Variants in GPC5 observed in about 807,000 individuals in gnomAD.
GPC5 encodes glypican 5.
In GPC5, 47 loss-of-function variants were observed where a neutral mutation model predicts 53.9. That is an observed-to-expected ratio of 0.87 (90% CI 0.69 to 1.11). The LOEUF is 1.11. GPC5 is among the 50% of genes most tolerant of loss of function. The pLI is 0.00. For missense variants in GPC5, 748 were observed against 713.1 expected, an observed-to-expected ratio of 1.05 and a Z score of -0.56; for synonymous variants, 286 against 263.3, an observed-to-expected ratio of 1.09 and a Z score of -0.84.
chr13:92,806,307 T>G (rs2138792885), intron 7 of GPC5, among the ~76,000 whole-genome samples: 1 of 152,184 alleles, frequency 6.6e-6, no homozygotes, highest in Admixed American at 6.6e-5. Context: ...ATTAAGGCCT[T>G]GCTCTGGATT....
At chr13:91,942,562 C>A (rs911520689) in intron 6 of GPC5, among the ~76,000 whole-genome samples, 1 of 151,884 alleles carries the variant, frequency 6.6e-6, no homozygotes, top group South Asian at 2.1e-4. Flanking sequence ...AAACTCAGCT[C>A]ATTTTTAATA....
intron 7 of GPC5, among the ~76,000 whole-genome samples, chr13:92,623,945 C>T (rs1884961985): frequency 1.3e-5 from 2 of 151,724 alleles, no homozygotes; most frequent in East Asian, 3.9e-4. Flanking sequence ...ACCTCTGCCT[C>T]CCGGGTTCAA....
intron 7 of GPC5, among the ~76,000 whole-genome samples, chr13:92,480,971 G>T (rs1267411050): frequency 6.6e-6 from 1 of 152,232 alleles, no homozygotes. Context: ...CAAGGCACAT[G>T]AGTGCCTCTT....
intron 5 of GPC5, among the ~76,000 whole-genome samples, chr13:91,879,229 T>C (rs1179115362): frequency 1.3e-5 from 2 of 152,202 alleles, no homozygotes; most frequent in African/African-American, 2.4e-5. Flanking sequence ...GGTGGTTTCT[T>C]ATTTGTGTTT....
At chr13:92,291,638 C>T (rs545538321) in intron 7 of GPC5, among the ~76,000 whole-genome samples, 2 of 152,168 alleles carry the variant, frequency 1.3e-5, no homozygotes, top group Non-Finnish European at 2.9e-5. Context: ...CCAGCAGTGG[C>T]AACCCGCTAG....
intron 7 of GPC5, among the ~76,000 whole-genome samples, chr13:92,821,933 A>T (rs1877688080): frequency 6.6e-6 from 1 of 152,132 alleles, no homozygotes; most frequent in African/African-American, 2.4e-5. Flanking sequence ...ACAAGAAAAA[A>T]AATGGGAGGG....
intron 7 of GPC5, among the ~76,000 whole-genome samples, chr13:92,249,157 CT>C (rs1212095184): frequency 6.6e-6 from 1 of 151,906 alleles, no homozygotes; most frequent in Non-Finnish European, 1.5e-5. Flanking sequence ...AGCATTTAAC[CT>C]TTTTTGTATT....
intron 6 of GPC5, among the ~76,000 whole-genome samples, chr13:91,949,624 G>A (rs570372533): frequency 1.3e-5 from 2 of 152,068 alleles, no homozygotes; most frequent in African/African-American, 4.8e-5. Context: ...TATAGCCAAA[G>A]AATAATAGAA....
chr13:92,839,449 C>T lies in GPC5; in HGVS notation c.1562-26833C>T, dbSNP rs117656660. Among the ~76,000 whole-genome samples, 164 of 152,214 alleles carry T rather than the reference C, an allele frequency of 1.1e-3. No individual in the cohort carries two copies. In the East Asian group the frequency reaches 0.016, roughly 15 times the overall value. On this transcript the variant is annotated intron_variant, in intron 7 of 7. Transcript: ENST00000377067. ...GTTATTTTTCCTGATCTTCTCACTC[C>T]TTCCACCCTCCACCCTGCAACAGGC...
chr13:92,371,389 A>G (rs1296023533), intron 7 of GPC5, among the ~76,000 whole-genome samples: 2 of 152,126 alleles, frequency 1.3e-5, no homozygotes, highest in African/African-American at 4.8e-5. Context: ...ATTATCCTGG[A>G]TTATCTGGTG....
At chr13:92,603,654 T>C (rs1225565306) in intron 7 of GPC5, among the ~76,000 whole-genome samples, 1 of 152,160 alleles carries the variant, frequency 6.6e-6, no homozygotes, top group East Asian at 1.9e-4. Context: ...TAGACTACTT[T>C]AACAAGGAGA....
rs963574613 is a variant in GPC5, at chr13:91,688,813, G to A, written c.326-4374G>A. 4.6e-5 allele frequency among the ~76,000 whole-genome samples: 7 copies of A among 152,002 alleles called. No homozygotes were observed. The East Asian group carries it at 5.8e-4, about 13-fold the overall frequency. ...CATGTTACTATACTTAATACTCTAG[G>A]CGTTTGTAATGCACTGGTAAATCTT... On this transcript the variant is annotated intron_variant, in intron 2 of 7. Coordinates refer to ENST00000377067, the MANE Select transcript of GPC5 (RefSeq NM_004466.6).
intron 7 of GPC5, among the ~76,000 whole-genome samples, chr13:92,767,471 A>G (rs1292713897): frequency 1.3e-5 from 2 of 152,162 alleles, no homozygotes; most frequent in African/African-American, 4.8e-5. Context: ...ACTGTCCAAA[A>G]AAAAGAAAAA....
chr13:92,572,776 T>C (rs1566299597), intron 7 of GPC5, among the ~76,000 whole-genome samples: 1 of 152,170 alleles, frequency 6.6e-6, no homozygotes, highest in Non-Finnish European at 1.5e-5. Flanking sequence ...TGTATATAAC[T>C]GAAAGCAAGA....
chr13:92,367,167 C>T (rs2043613463), intron 7 of GPC5, among the ~76,000 whole-genome samples: 1 of 151,970 alleles, frequency 6.6e-6, no homozygotes, highest in South Asian at 2.1e-4. Context: ...ATAAAAAAAT[C>T]CTCGGGCAGA....
At chr13:92,825,449 A>G (rs1316392484) in intron 7 of GPC5, among the ~76,000 whole-genome samples, 2 of 152,250 alleles carry the variant, frequency 1.3e-5, no homozygotes, top group South Asian at 2.1e-4. Flanking sequence ...TATTAATTCA[A>G]TTCCCATTAT....
At chr13:91,572,553 G>T (rs1338096944) in intron 2 of GPC5, among the ~76,000 whole-genome samples, 1 of 152,014 alleles carries the variant, frequency 6.6e-6, no homozygotes, top group Non-Finnish European at 1.5e-5. Context: ...GTGAGCAAGA[G>T]AGGGGAGGAG....
intron 7 of GPC5, among the ~76,000 whole-genome samples, chr13:92,386,207 G>A (rs1874715890): frequency 6.6e-6 from 1 of 151,988 alleles, no homozygotes; most frequent in Non-Finnish European, 1.5e-5. Flanking sequence ...TGGAGAATTT[G>A]TTAATGTGAG....
intron 2 of GPC5, among the ~76,000 whole-genome samples, chr13:91,515,423 C>A (rs1885446317): frequency 2.0e-5 from 3 of 152,134 alleles, no homozygotes; most frequent in Non-Finnish European, 2.9e-5. Flanking sequence ...GCATCTTCCT[C>A]TTGAGATGAC....
Sources: gnomAD v4.1 joint callset for allele counts (sites outside exome capture counted in the v4.1 genomes callset) on GRCh38, gnomAD v4.1.1 for gene constraint, MANE v1.5 for transcripts, NCBI Gene and HGNC (gene_info 2026-07-23, HGNC 2026-07-21) for gene names.